The following MPI variants were observed in gnomAD, a reference collection of about 807,000 sequenced individuals.
MPI encodes the protein mannose-6-phosphate isomerase.
A neutral mutation model predicts 40.1 loss-of-function variants in MPI; 33 were observed. The observed-to-expected ratio is 0.82, with a 90% CI of 0.62 to 1.10. The LOEUF (loss-of-function observed/expected upper bound fraction) is 1.10, where lower values mean the gene tolerates loss of function less well. Among genes scored for constraint, MPI ranks in the 50% least tolerant of loss-of-function variants. MPI has a pLI of 0.00. For synonymous variants in MPI, 187 were observed against 207.4 expected, an observed-to-expected ratio of 0.90 and a Z score of 0.85; for missense variants, 514 against 524.1, an observed-to-expected ratio of 0.98 and a Z score of 0.19.
chr15:74,894,066 G>T (rs2064770386), intron 5 of MPI, among the ~76,000 whole-genome samples: 1 of 56,408 alleles, frequency 1.8e-5, no homozygotes, highest in Non-Finnish European at 3.7e-5. Flanking sequence ...GTGTGTGTGT[G>T]TGTGTGTGTG....
chr15:74,892,974 T>C, intron 4 of MPI, 164 bp from the exon 5 acceptor site: 1 of 1,308,406 alleles, frequency 7.6e-7, no homozygotes, highest in East Asian at 2.3e-5. Context: ...TCAGGTGTGG[T>C]AGTCAAGGGC....
chr15:74,890,084 C>T lies in MPI; in HGVS notation c.11C>T (p.Pro4Leu), dbSNP rs1567263775. ...GTGCAGGGGGCGAGCATGGCCGCTC[C>T]GCGAGGTGAGCCATTGGCTGGGGTG... MAA[P>L]RVFPLSCAVQ... is the part of the protein sequence containing the mutation. Residue 4 changes from proline to leucine, a missense_variant, in exon 1 of 8, where the codon CCG (proline) becomes CTG (leucine). Transcript: ENST00000352410. 1 of 1,608,014 alleles carries T rather than the reference C, an allele frequency of 6.2e-7. No homozygotes were observed. The highest frequency in any genetic ancestry group is 8.5e-7 in the Non-Finnish European group (1 of 1,179,966).
chr15:74,893,719 C>CA (rs1183956912), intron 5 of MPI: 2 of 502,918 alleles, frequency 4.0e-6, no homozygotes. Context: ...CTCCAGCACT[C>CA]AGTCATTTGA....
At chr15:74,893,115 C>T (rs2141200205) in intron 4 of MPI, 23 bp from the exon 5 acceptor site, 2 of 1,613,236 alleles carry the variant, frequency 1.2e-6, no homozygotes, top group South Asian at 2.2e-5. Flanking sequence ...CTGATATGGG[C>T]CCTGGGCCTT....
chr15:74,898,888 T>A lies in MPI; in HGVS notation c.*1158T>A, dbSNP rs2064864998. ...TAGAGGAGGGGTCCGCAAACCAGGC[T>A]GGCAGGCCAGTTCTGGCCATACCTG... On this transcript the variant is annotated 3_prime_UTR_variant, in exon 8 of 8. Transcript: ENST00000352410. 1 of 152,384 alleles carries A rather than the reference T, an allele frequency of 6.6e-6. No homozygotes were observed. The highest frequency in any genetic ancestry group is 2.1e-4 in the South Asian group (1 of 4,838). 9.4% of individuals were successfully genotyped at this position (152,384 alleles called of 1,614,324 possible). A position where few individuals can be genotyped will look rare whatever the true frequency, so the allele number is the denominator to read the frequency against.
At position 74,896,241 on chromosome 15, in the gene MPI, A is replaced by G; in HGVS notation, c.760A>G (p.Ile254Val). Residue 254 changes from isoleucine (I) to valine (V), a missense_variant, in exon 6 of 8, where the codon ATC becomes GTC. Transcript: ENST00000352410. ...QYPGDIGCFA[I>V]YFLNLLTLKP... is the part of the protein sequence containing the mutation. ...CCCAGGTGATATCGGCTGCTTTGCC[A>G]TCTACTTCCTGAACCTGCTTACCCT... The G allele has an allele frequency of 6.2e-7, 1 of 1,614,160 alleles. No individual in the cohort carries two copies. The highest frequency in any genetic ancestry group is 1.7e-5 in the Admixed American group (1 of 60,016).
At chr15:74,893,086 G>C in intron 4 of MPI, 52 bp from the exon 5 acceptor site, 7 of 1,606,994 alleles carry the variant, frequency 4.4e-6, no homozygotes, top group Non-Finnish European at 6.0e-6. Flanking sequence ...CCACTTGTGT[G>C]GGTTCCATCT....
At chr15:74,896,390 CAAAG>C (rs1297647370) in intron 6 of MPI, 65 bp downstream of exon 6, 3 of 1,589,814 alleles carry the variant, frequency 1.9e-6, no homozygotes, top group South Asian at 1.1e-5. Flanking sequence ...CCTATCTGGA[CAAAG>C]GAAGGAGAAG....
At chr15:74,892,972 G>C in intron 4 of MPI, 166 bp from the exon 5 acceptor site, 1 of 1,304,692 alleles carries the variant, frequency 7.7e-7, no homozygotes, top group Non-Finnish European at 1.1e-6. Flanking sequence ...GCTCAGGTGT[G>C]GTAGTCAAGG....
chr15:74,893,812 C>T (rs548043539), intron 5 of MPI: 1 of 239,536 alleles, frequency 4.2e-6, no homozygotes, highest in Non-Finnish European at 8.3e-6. Flanking sequence ...CACTGTCACC[C>T]TAAAGGTGGG....
intron 1 of MPI, 101 bp from the exon 2 acceptor site, chr15:74,890,426 C>T: frequency 3.3e-6 from 5 of 1,512,054 alleles, no homozygotes; most frequent in Non-Finnish European, 4.6e-6. Flanking sequence ...CCTTATTTGA[C>T]TCTGTCCCCA....
chr15:74,896,306 C>T lies in MPI; in HGVS notation c.825C>T (p.Pro275=). The change falls in exon 6 of 8, where the codon CCC becomes CCT. Residue 275 remains proline, a synonymous_variant. Transcript: ENST00000352410. ...GEAMFLEANV[P]HAYLKGDCVE... The stretch of plus-strand genomic sequence containing the variant: ...CCATGTTTCTGGAGGCCAACGTACC[C>T]CATGCCTACCTGAAAGGAGGTGAGC... 1 of 1,614,180 alleles carries T rather than the reference C, an allele frequency of 6.2e-7. No homozygotes were observed. Among genetic ancestry groups the T allele is most frequent in the Non-Finnish European group, 8.5e-7 (1 of 1,180,040 alleles).
intron 5 of MPI, chr15:74,893,581 C>T (rs549229769): frequency 4.9e-6 from 3 of 607,964 alleles, no homozygotes; most frequent in Non-Finnish European, 8.9e-6. Flanking sequence ...CTTAGGATGC[C>T]TTCCACCTAG....
At chr15:74,890,246 C>T in intron 1 of MPI, 157 bp downstream of exon 1, 2 of 1,120,846 alleles carry the variant, frequency 1.8e-6, no homozygotes, top group Non-Finnish European at 2.6e-6. Flanking sequence ...GGGGATTGAC[C>T]TCCGAGGGGA....
intron 2 of MPI, 195 bp downstream of exon 2, chr15:74,890,849 A>C (rs1567264606): frequency 1.4e-6 from 1 of 723,678 alleles, no homozygotes; most frequent in Non-Finnish European, 2.4e-6. Context: ...GATTTCCAGC[A>C]CTCTCCTTCC....
Position 74,890,616 on chromosome 15 carries a change from C to G in MPI, c.106C>G (p.Pro36Ala), listed in dbSNP as rs750003143. Reference sequence around the variant, plus strand: ...GGCGCGGCTGTTGGCCAGCAGTGATCCACTGGCCCAGATCGCAGAGGACAA... The same window carrying G: ...GGCGCGGCTGTTGGCCAGCAGTGATGCACTGGCCCAGATCGCAGAGGACAA... ...EVARLLASSD[P>A]LAQIAEDKPY... Residue 36 changes from proline (P) to alanine (A), a missense_variant, in exon 2 of 8, where the codon CCA becomes GCA. Physicochemically the swap from Pro to Ala is conservative, Grantham distance 27. Transcript: ENST00000352410. The G allele has an allele frequency of 6.2e-7, 1 of 1,613,994 alleles. No individual in the cohort carries two copies.
At chr15:74,894,251 G>C (rs879175419) in intron 5 of MPI, among the ~76,000 whole-genome samples, 2 of 151,710 alleles carry the variant, frequency 1.3e-5, no homozygotes, top group Admixed American at 1.3e-4. Flanking sequence ...ATCTGGTTAA[G>C]TTTTTATATT....
chr15:74,890,064 G>A lies in MPI; in HGVS notation c.-10G>A, dbSNP rs781624759. ...GGCATACGTGCTTAATCCTGGTGCA[G>A]GGGGCGAGCATGGCCGCTCCGCGAG... On this transcript the variant is annotated 5_prime_UTR_variant, in exon 1 of 8. Coordinates refer to ENST00000352410, the MANE Select transcript of MPI (RefSeq NM_002435.3). 6.2e-7 allele frequency: 1 copy of A among 1,606,902 alleles called. No individual in the cohort carries two copies.
intron 6 of MPI, 191 bp from the exon 7 acceptor site, chr15:74,896,820 T>C: frequency 3.0e-6 from 2 of 674,934 alleles, no homozygotes; most frequent in Non-Finnish European, 5.3e-6. Context: ...ATGACTCCCC[T>C]CTGACAATAA....
Sources: allele counts gnomAD v4.1 joint callset (sites outside exome capture counted in the v4.1 genomes callset), GRCh38; gene constraint gnomAD v4.1.1; transcripts MANE v1.5; gene names NCBI Gene and HGNC (gene_info 2026-07-23, HGNC 2026-07-21).